The following SNTG1 variants were observed in gnomAD, a reference collection of about 807,000 sequenced individuals.
The protein encoded by SNTG1 is syntrophin gamma 1.
SNTG1 carries 39 observed loss-of-function variants against 74.7 expected under a neutral mutation model. That is an observed-to-expected ratio of 0.52 (90% CI 0.40 to 0.68). The LOEUF (loss-of-function observed/expected upper bound fraction) is 0.68, where lower values mean the gene tolerates loss of function less well. Ranked by LOEUF, SNTG1 falls within the 30% of genes least tolerant of loss-of-function variation. The pLI is 0.00. For missense variants in SNTG1, 685 were observed against 609.5 expected, an observed-to-expected ratio of 1.12 and a Z score of -1.30; for synonymous variants, 254 against 217.1, an observed-to-expected ratio of 1.17 and a Z score of -1.49.
intron 1 of SNTG1, among the ~76,000 whole-genome samples, chr8:49,935,842 T>C (rs994078194): frequency 6.6e-6 from 1 of 152,208 alleles, no homozygotes; most frequent in African/African-American, 2.4e-5. Flanking sequence ...CAAATTTGTA[T>C]CCTAACTTCA....
intron 1 of SNTG1, among the ~76,000 whole-genome samples, chr8:50,128,666 T>TA (rs903980130): frequency 1.1e-4 from 17 of 151,290 alleles, no homozygotes; most frequent in East Asian, 1.9e-4. Context: ...CACTTTAGAA[T>TA]AAAAAAAAAT....
At chr8:49,936,978 G>T (rs1417656940) in intron 1 of SNTG1, among the ~76,000 whole-genome samples, 1 of 152,034 alleles carries the variant, frequency 6.6e-6, no homozygotes, top group Non-Finnish European at 1.5e-5. Flanking sequence ...GTAAAACCCC[G>T]TCTGTAGTAA....
intron 11 of SNTG1, 54 bp from the exon 12 acceptor site, chr8:50,552,996 G>T (rs150222278): frequency 1.2e-6 from 2 of 1,602,970 alleles, no homozygotes; most frequent in Non-Finnish European, 1.7e-6. Context: ...ATTACGAGCT[G>T]CAAATAGATC....
At chr8:50,039,644 ATT>A (rs935740005) in intron 1 of SNTG1, among the ~76,000 whole-genome samples, 1 of 151,430 alleles carries the variant, frequency 6.6e-6, no homozygotes, top group African/African-American at 2.4e-5. Flanking sequence ...AATGATTTAC[ATT>A]TTTTTTGCCT....
chr8:50,173,398 T>C (rs1254051139), intron 2 of SNTG1, among the ~76,000 whole-genome samples: 3 of 152,196 alleles, frequency 2.0e-5, no homozygotes, highest in Admixed American at 2.0e-4. Context: ...TCCAAGGACT[T>C]GTAGTATGGC....
At chr8:50,664,481 T>C (rs1201633986) in intron 15 of SNTG1, among the ~76,000 whole-genome samples, 2 of 152,208 alleles carry the variant, frequency 1.3e-5, no homozygotes, top group African/African-American at 2.4e-5. Context: ...AAGACACTTA[T>C]TGAGTACTTT....
At chr8:50,785,169 G>A (rs1425225914) in intron 18 of SNTG1, among the ~76,000 whole-genome samples, 3 of 151,378 alleles carry the variant, frequency 2.0e-5, no homozygotes, top group Non-Finnish European at 3.0e-5. Flanking sequence ...AAGTAAGCAG[G>A]AACAAGGACA....
At chr8:50,104,152 G>C (rs1461720484) in intron 1 of SNTG1, among the ~76,000 whole-genome samples, 1 of 152,134 alleles carries the variant, frequency 6.6e-6, no homozygotes, top group Non-Finnish European at 1.5e-5. Flanking sequence ...GTTCCTCCTT[G>C]TACCTCTGGT....
At chr8:50,746,839 T>TATATA (rs1309099769) in intron 17 of SNTG1, among the ~76,000 whole-genome samples, 1 of 147,756 alleles carries the variant, frequency 6.8e-6, no homozygotes, top group African/African-American at 2.5e-5. Context: ...ATATATATAA[T>TATATA]ATATAATATA....
At chr8:50,364,471 G>A (rs996786915) in intron 2 of SNTG1, among the ~76,000 whole-genome samples, 1 of 151,936 alleles carries the variant, frequency 6.6e-6, no homozygotes, top group Admixed American at 6.6e-5. Flanking sequence ...CTTTCATGAC[G>A]GTTTATGTAT....
At chr8:49,958,934 A>G (rs1390513219) in intron 1 of SNTG1, among the ~76,000 whole-genome samples, 1 of 152,218 alleles carries the variant, frequency 6.6e-6, no homozygotes, top group Non-Finnish European at 1.5e-5. Context: ...CAAAGCCTAA[A>G]GTATCTTGTG....
chr8:50,127,104 T>A (rs2081167080), intron 1 of SNTG1, among the ~76,000 whole-genome samples: 1 of 152,058 alleles, frequency 6.6e-6, no homozygotes, highest in South Asian at 2.1e-4. Flanking sequence ...TCAGAAATTG[T>A]GATGTGTCCT....
intron 13 of SNTG1, among the ~76,000 whole-genome samples, chr8:50,597,840 G>A (rs938394011): frequency 6.6e-6 from 1 of 151,880 alleles, no homozygotes; most frequent in Admixed American, 6.6e-5. Flanking sequence ...AAATGTAAAT[G>A]TTGGCCATTT....
At chr8:50,058,889 C>T (rs939610000) in intron 1 of SNTG1, among the ~76,000 whole-genome samples, 2 of 152,074 alleles carry the variant, frequency 1.3e-5, no homozygotes, top group African/African-American at 2.4e-5. Flanking sequence ...AATAACCTCT[C>T]TCTCTTACCC....
intron 3 of SNTG1, among the ~76,000 whole-genome samples, chr8:50,395,517 T>TTTTTTTTTTTTTTG (rs1196421908): frequency 6.7e-6 from 1 of 149,690 alleles, no homozygotes; most frequent in Non-Finnish European, 1.5e-5. Flanking sequence ...TTTTTTTTTT[T>TTTTTTTTTTTTTTG]TTTTTTAATG....
In SNTG1 at chr8:50,660,462, G is replaced by A. The variant is rs1416119488; in HGVS notation, c.1038+1799G>A. Among the ~76,000 whole-genome samples the A allele has an allele frequency of 4.0e-5, 6 of 149,392 alleles. No homozygotes were observed. The East Asian group carries it at 9.9e-4, about 25-fold the overall frequency. On this transcript the variant is annotated intron_variant, in intron 15 of 18. Transcript: ENST00000642720. The stretch of plus-strand genomic sequence containing the variant: ...GAAAGAGAAAAAAGAAAGGGAGGAA[G>A]GGCAGGGAGTGCACAGAGGGGAGAA...
At chr8:50,529,475 A>G (rs1330502970) in intron 9 of SNTG1, among the ~76,000 whole-genome samples, 1 of 152,036 alleles carries the variant, frequency 6.6e-6, no homozygotes, top group African/African-American at 2.4e-5. Context: ...ATTTGTGGGT[A>G]ATATTTATAA....
At chr8:50,752,709 C>T (rs903126176) in intron 18 of SNTG1, among the ~76,000 whole-genome samples, 2 of 151,894 alleles carry the variant, frequency 1.3e-5, no homozygotes, top group African/African-American at 4.8e-5. Context: ...TATTATACCC[C>T]TTTACTTATT....
chr8:50,764,770 T>A (rs1484511195), intron 18 of SNTG1, among the ~76,000 whole-genome samples: 1 of 151,726 alleles, frequency 6.6e-6, no homozygotes, highest in Non-Finnish European at 1.5e-5. Context: ...AGCAATCCCA[T>A]TTCTGAGTAT....
Sources: allele counts gnomAD v4.1 joint callset (sites outside exome capture counted in the v4.1 genomes callset), GRCh38; gene constraint gnomAD v4.1.1; transcripts MANE v1.5; gene names NCBI Gene and HGNC (gene_info 2026-07-23, HGNC 2026-07-21).